DPYD: variants seen among roughly 807,000 people sequenced by gnomAD.
DPYD encodes dihydropyrimidine dehydrogenase.
DPYD carries 109 observed loss-of-function variants against 116.2 expected under a neutral mutation model. That is an observed-to-expected ratio of 0.94 (90% CI 0.80 to 1.10). DPYD has a LOEUF of 1.10. Ranked by LOEUF, DPYD falls within the 50% of genes least tolerant of loss-of-function variation. The pLI is 0.00. For missense variants in DPYD, 1,302 were observed against 1,254.5 expected (o/e 1.04, Z -0.57); for synonymous variants, 440 against 432.0 (o/e 1.02, Z -0.23).
At chr1:97,851,541 T>A (rs1018118143) in intron 2 of DPYD, among the ~76,000 whole-genome samples, 6 of 151,888 alleles carry the variant, frequency 4.0e-5, no homozygotes, top group African/African-American at 1.4e-4. Context: ...TGCAGGTGCA[T>A]TCGGACCTCC....
chr1:97,546,340 G>T (rs1650860880), intron 12 of DPYD: 2 of 1,417,720 alleles, frequency 1.4e-6, no homozygotes, highest in Non-Finnish European at 2.0e-6. Context: ...GCTGGCAAAT[G>T]GAGTTGTTGG....
intron 14 of DPYD, among the ~76,000 whole-genome samples, chr1:97,396,728 C>T (rs1310347296): frequency 6.6e-6 from 1 of 151,934 alleles, no homozygotes; most frequent in Non-Finnish European, 1.5e-5. Flanking sequence ...TACTGCCTAC[C>T]GCATGCCACA....
intron 19 of DPYD, among the ~76,000 whole-genome samples, chr1:97,227,046 G>GGCT (rs1661216890): frequency 6.6e-6 from 1 of 151,992 alleles, no homozygotes; most frequent in African/African-American, 2.4e-5. Flanking sequence ...GCAATAATTG[G>GGCT]GCTGGGCATG....
intron 18 of DPYD, among the ~76,000 whole-genome samples, chr1:97,239,815 G>A (rs1292478243): frequency 6.6e-6 from 1 of 151,880 alleles, no homozygotes; most frequent in Non-Finnish European, 1.5e-5. Context: ...TCTCAATTTT[G>A]TCATCTATAA....
intron 1 of DPYD, among the ~76,000 whole-genome samples, chr1:97,919,541 C>A (rs953606174): frequency 3.3e-5 from 5 of 152,170 alleles, no homozygotes; most frequent in African/African-American, 1.2e-4. Flanking sequence ...TAAATCAATA[C>A]TGCCTTAATA....
chr1:97,472,681 A>G (rs1457431054), intron 13 of DPYD, among the ~76,000 whole-genome samples: 1 of 152,198 alleles, frequency 6.6e-6, no homozygotes, highest in Admixed American at 6.5e-5. Context: ...CTTTTAGTAA[A>G]CATCTATCTT....
At chr1:97,499,489 A>C (rs568520940) in intron 13 of DPYD, among the ~76,000 whole-genome samples, 3 of 151,860 alleles carry the variant, frequency 2.0e-5, no homozygotes, top group Non-Finnish European at 4.4e-5. Context: ...AAGACATTTC[A>C]GAGACTGCAT....
At chr1:97,466,567 T>A (rs1403541415) in intron 13 of DPYD, among the ~76,000 whole-genome samples, 1 of 152,222 alleles carries the variant, frequency 6.6e-6, no homozygotes, top group Non-Finnish European at 1.5e-5. Context: ...TAGTGCTCTA[T>A]AATTATCATT....
At position 97,873,286 on chromosome 1, in the gene DPYD, GA is replaced by G. The variant is rs1671749318; in HGVS notation, c.150+9977del. Among the ~76,000 whole-genome samples the G allele has an allele frequency of 2.0e-5, 3 of 152,012 alleles. No homozygotes were observed. The East Asian group carries it at 5.8e-4, about 30-fold the overall frequency. The stretch of plus-strand genomic sequence containing the variant: ...ATTTATACTATATAAGTTTCAAAGT[GA>G]AATAATTTATATGTAGTGGTGTTAC... On this transcript the variant is annotated intron_variant, in intron 2 of 22. Transcript: ENST00000370192.
intron 15 of DPYD, among the ~76,000 whole-genome samples, chr1:97,374,392 T>C (rs1215719075): frequency 6.6e-6 from 1 of 152,154 alleles, no homozygotes; most frequent in Non-Finnish European, 1.5e-5. Context: ...GGAAGTCTTC[T>C]GTAAAGAACA....
chr1:97,685,700 G>A (rs1261565444), intron 7 of DPYD, among the ~76,000 whole-genome samples: 3 of 152,026 alleles, frequency 2.0e-5, no homozygotes, highest in Non-Finnish European at 4.4e-5. Flanking sequence ...ACAATAAGCA[G>A]AGAACCAAAT....
At chr1:97,385,950 T>A (rs1672319268) in intron 14 of DPYD, among the ~76,000 whole-genome samples, 1 of 152,166 alleles carries the variant, frequency 6.6e-6, no homozygotes, top group Non-Finnish European at 1.5e-5. Context: ...CTGAGAAGCA[T>A]GAGGCACTAC....
intron 20 of DPYD, among the ~76,000 whole-genome samples, chr1:97,136,429 A>G (rs1006961997): frequency 1.1e-4 from 16 of 151,984 alleles, no homozygotes; most frequent in African/African-American, 3.6e-4. Context: ...ATTCAGTGGC[A>G]CTCTCCTACA....
At chr1:97,866,340 G>C (rs1002137465) in intron 2 of DPYD, among the ~76,000 whole-genome samples, 1 of 151,918 alleles carries the variant, frequency 6.6e-6, no homozygotes, top group Non-Finnish European at 1.5e-5. Context: ...TTAGAGGTAT[G>C]ACAACAGATA....
chr1:97,708,383 A>T (rs1214368189), intron 5 of DPYD, among the ~76,000 whole-genome samples: 3 of 152,042 alleles, frequency 2.0e-5, no homozygotes, highest in African/African-American at 7.2e-5. Flanking sequence ...AGGGTGGTAT[A>T]AATATCATTC....
intron 5 of DPYD, among the ~76,000 whole-genome samples, chr1:97,708,810 T>G (rs1662126225): frequency 6.6e-6 from 1 of 152,010 alleles, no homozygotes; most frequent in South Asian, 2.1e-4. Context: ...TTTATTTATT[T>G]CATCACAGTT....
At chr1:97,634,011 A>C (rs1657422638) in intron 8 of DPYD, among the ~76,000 whole-genome samples, 2 of 151,838 alleles carry the variant, frequency 1.3e-5, no homozygotes, top group Admixed American at 1.3e-4. Flanking sequence ...AAAGAAGATA[A>C]CTCTTCCTGC....
chr1:97,352,664 T>A (rs1258650847), intron 16 of DPYD, among the ~76,000 whole-genome samples: 1 of 152,188 alleles, frequency 6.6e-6, no homozygotes, highest in Non-Finnish European at 1.5e-5. Context: ...TTGTTTGATT[T>A]TTTTTTCCCC....
At chr1:97,220,923 T>C (rs1355781151) in intron 19 of DPYD, among the ~76,000 whole-genome samples, 5 of 152,190 alleles carry the variant, frequency 3.3e-5, no homozygotes, top group Non-Finnish European at 7.3e-5. Context: ...CCAAGTTTAC[T>C]CCAAATTTCA....
Sources: allele counts gnomAD v4.1 joint callset (sites outside exome capture counted in the v4.1 genomes callset), GRCh38; gene constraint gnomAD v4.1.1; transcripts MANE v1.5; gene names NCBI Gene and HGNC (gene_info 2026-07-23, HGNC 2026-07-21).